HPSE2: variants seen among roughly 807,000 people sequenced by gnomAD.
The protein encoded by HPSE2 is heparanase 2 (inactive), also known as inactive heparanase-2.
Under a neutral mutation model 60.5 loss-of-function variants are expected in HPSE2, and 38 were observed. The ratio of observed to expected loss-of-function variants is 0.63; its 90% CI spans 0.48 to 0.82. The LOEUF is 0.82. Ranked by LOEUF, HPSE2 falls within the 40% of genes least tolerant of loss-of-function variation. The pLI is 0.00. For missense variants in HPSE2, 713 were observed against 740.4 expected (o/e 0.96, Z 0.43); for synonymous variants, 295 against 293.2 (o/e 1.01, Z -0.06).
chr10:98,865,210 G>GA (rs1249920642), intron 3 of HPSE2, among the ~76,000 whole-genome samples: 2 of 151,886 alleles, frequency 1.3e-5, no homozygotes, highest in African/African-American at 2.4e-5. Flanking sequence ...AGGTGCCATA[G>GA]AAAAAAATAA....
intron 3 of HPSE2, among the ~76,000 whole-genome samples, chr10:98,976,507 G>A (rs1956088477): frequency 1.3e-5 from 2 of 152,214 alleles, no homozygotes; most frequent in South Asian, 4.2e-4. Flanking sequence ...CCTTCCAGGG[G>A]TGGGGATGGG....
chr10:99,200,913 T>C (rs1848555142), intron 2 of HPSE2, among the ~76,000 whole-genome samples: 1 of 152,164 alleles, frequency 6.6e-6, no homozygotes, highest in South Asian at 2.1e-4. Flanking sequence ...CATGTACCAA[T>C]ACTTGGAAAC....
chr10:98,815,580 C>T (rs1458437900), intron 3 of HPSE2, among the ~76,000 whole-genome samples: 5 of 152,046 alleles, frequency 3.3e-5, no homozygotes, highest in African/African-American at 9.7e-5. Context: ...TGTTGGGAAC[C>T]TGAAAGGATG....
intron 3 of HPSE2, among the ~76,000 whole-genome samples, chr10:99,130,671 A>G (rs1424278382): frequency 4.6e-5 from 7 of 152,188 alleles, no homozygotes; most frequent in Admixed American, 6.5e-5. Flanking sequence ...TTACAGAAGT[A>G]AAGTAGTCAA....
intron 6 of HPSE2, among the ~76,000 whole-genome samples, chr10:98,649,190 T>C (rs1054967908): frequency 5.9e-5 from 9 of 152,236 alleles, no homozygotes; most frequent in Non-Finnish European, 1.0e-4. Flanking sequence ...CCTCTTTTCA[T>C]GTAATTGTCA....
the HPSE2 span, among the ~76,000 whole-genome samples, chr10:99,246,072 T>A: frequency 6.6e-6 from 1 of 152,202 alleles, no homozygotes; most frequent in Non-Finnish European, 1.5e-5. Flanking sequence ...ACAATATATT[T>A]TACAAGGATA....
intron 3 of HPSE2, among the ~76,000 whole-genome samples, chr10:99,042,231 C>G (rs73339445): frequency 0.014 from 2,180 of 152,188 alleles, 47 homozygotes; most frequent in African/African-American, 0.049. Flanking sequence ...GACAGCCGTC[C>G]TATGGAGAAG....
chr10:98,638,183 C>T (rs1234737738), intron 7 of HPSE2, among the ~76,000 whole-genome samples: 2 of 145,856 alleles, frequency 1.4e-5, no homozygotes, highest in African/African-American at 5.1e-5. Flanking sequence ...CAGTGGCTCA[C>T]GCCTGTAATC....
intron 9 of HPSE2, among the ~76,000 whole-genome samples, chr10:98,537,525 T>G (rs996189339): frequency 7.2e-5 from 11 of 152,216 alleles, no homozygotes; most frequent in African/African-American, 2.7e-4. Context: ...TATTACTCTT[T>G]GTTGCATTAC....
At position 98,987,484 on chromosome 10, in the gene HPSE2, G is replaced by T. The variant is rs185305005; in HGVS notation, c.610+156754C>A. Among the ~76,000 whole-genome samples the T allele has an allele frequency of 1.8e-3, 276 of 152,144 alleles. 1 individual carries two copies. Among genetic ancestry groups the T allele is most frequent in the African/African-American group, 6.0e-3 (251 of 41,496 alleles). The stretch of plus-strand genomic sequence containing the variant: ...AAAACTCTCAAATTAGGTATCGATG[G>T]GACATATCTCAAAATAATAAGAGCT... On this transcript the variant is annotated intron_variant, in intron 3 of 11. Coordinates refer to ENST00000370552, the MANE Select transcript of HPSE2 (RefSeq NM_021828.5).
At chr10:99,305,953 T>TCGCGCG in the HPSE2 span, among the ~76,000 whole-genome samples, 4 of 24,840 alleles carry the variant, frequency 1.6e-4, no homozygotes, top group African/African-American at 5.7e-4. Flanking sequence ...ATATCCAAAC[T>TCGCGCG]CACACACACG....
chr10:99,211,722 A>C (rs1848958865), intron 2 of HPSE2, among the ~76,000 whole-genome samples: 1 of 152,194 alleles, frequency 6.6e-6, no homozygotes, highest in Non-Finnish European at 1.5e-5. Context: ...AAATGGATTA[A>C]AGGGTTAAAT....
chr10:98,616,225 C>A (rs1490536592), intron 8 of HPSE2, among the ~76,000 whole-genome samples: 1 of 152,184 alleles, frequency 6.6e-6, no homozygotes, highest in East Asian at 1.9e-4. Flanking sequence ...CTTATTCATA[C>A]CCTCAGAAAG....
At chr10:99,051,745 T>TA (rs893825101) in intron 3 of HPSE2, among the ~76,000 whole-genome samples, 1 of 152,174 alleles carries the variant, frequency 6.6e-6, no homozygotes, top group African/African-American at 2.4e-5. Flanking sequence ...CCTGTCAAGT[T>TA]AAAGAGTTTT....
chr10:98,948,714 C>T (rs752474101), intron 3 of HPSE2, among the ~76,000 whole-genome samples: 33 of 151,960 alleles, frequency 2.2e-4, no homozygotes, highest in Non-Finnish European at 3.2e-4. Context: ...CACCTTCTAC[C>T]TCATCTACTT....
At chr10:98,626,117 AG>A (rs367789109) in intron 7 of HPSE2, among the ~76,000 whole-genome samples, 31,353 of 145,062 alleles carry the variant, frequency 0.22, 3,787 homozygotes, top group Admixed American at 0.29. Context: ...AAAAAAAAAA[AG>A]AAAAAGAAAA....
At chr10:99,191,638 G>A (rs1008567280) in intron 2 of HPSE2, among the ~76,000 whole-genome samples, 9 of 152,180 alleles carry the variant, frequency 5.9e-5, no homozygotes, top group African/African-American at 1.9e-4. Flanking sequence ...CTTTGAATAC[G>A]TGGAAAGCGT....
At chr10:99,230,590 T>A (rs2133947729) in intron 2 of HPSE2, among the ~76,000 whole-genome samples, 1 of 152,262 alleles carries the variant, frequency 6.6e-6, no homozygotes, top group East Asian at 1.9e-4. Flanking sequence ...ATTTCTTTTC[T>A]CCCCATGATG....
chr10:99,012,596 A>G (rs1957043064), intron 3 of HPSE2, among the ~76,000 whole-genome samples: 1 of 152,210 alleles, frequency 6.6e-6, no homozygotes, highest in African/African-American at 2.4e-5. Flanking sequence ...GCTTTTCTTT[A>G]GAACTTAAAT....
Sources: allele counts gnomAD v4.1 joint callset (sites outside exome capture counted in the v4.1 genomes callset), GRCh38; gene constraint gnomAD v4.1.1; transcripts MANE v1.5; gene names NCBI Gene and HGNC (gene_info 2026-07-23, HGNC 2026-07-21).